The following ENPP2 variants were observed in gnomAD, a reference collection of about 807,000 sequenced individuals.
ENPP2 encodes the protein autotaxin.
Under a neutral mutation model 120.2 loss-of-function variants are expected in ENPP2, and 51 were observed. That is an observed-to-expected ratio of 0.42 (90% CI 0.34 to 0.54). The LOEUF (loss-of-function observed/expected upper bound fraction) is 0.54, where lower values mean the gene tolerates loss of function less well. Among genes scored for constraint, ENPP2 ranks in the 20% least tolerant of loss-of-function variants. The pLI is 0.04. For synonymous variants in ENPP2, 365 were observed against 366.4 expected (o/e 1.00, Z 0.04); for missense variants, 920 against 1,066.5 (o/e 0.86, Z 1.91).
At chr8:119,659,716 T>C (rs1304001819) in intron 1 of ENPP2, among the ~76,000 whole-genome samples, 1 of 152,228 alleles carries the variant, frequency 6.6e-6, no homozygotes, top group Non-Finnish European at 1.5e-5. Context: ...GAAAATATGC[T>C]TCAAAGGGTG....
chr8:119,669,691 G>T (rs1038016946), intron 1 of ENPP2, among the ~76,000 whole-genome samples: 1 of 152,182 alleles, frequency 6.6e-6, no homozygotes, highest in Non-Finnish European at 1.5e-5. Context: ...GACTTGTCAT[G>T]AACCCACTGA....
intron 1 of ENPP2, among the ~76,000 whole-genome samples, chr8:119,649,868 T>C (rs1424715812): frequency 1.3e-5 from 2 of 152,164 alleles, no homozygotes; most frequent in Non-Finnish European, 2.9e-5. Flanking sequence ...TTACCCCCAC[T>C]AGGATGCTAA....
intron 1 of ENPP2, chr8:119,673,158 G>C (rs1818303037): frequency 1.8e-6 from 2 of 1,085,774 alleles, no homozygotes; most frequent in Non-Finnish European, 1.4e-6. Flanking sequence ...CAAACCTGGA[G>C]GCCCTTTGCA....
At chr8:119,618,193 G>A (rs1456446611) in intron 5 of ENPP2, 1 of 407,328 alleles carries the variant, frequency 2.5e-6, no homozygotes, top group African/African-American at 2.1e-5. Context: ...GAGCTATCAA[G>A]GCTGCCCTTT....
At chr8:119,568,995 A>C (rs556986109) in intron 21 of ENPP2, among the ~76,000 whole-genome samples, 1 of 151,722 alleles carries the variant, frequency 6.6e-6, no homozygotes, top group Non-Finnish European at 1.5e-5. Flanking sequence ...ATTCTCATTT[A>C]ATAATGTAAG....
chr8:119,608,324 G>A (rs1814864149), intron 8 of ENPP2, among the ~76,000 whole-genome samples: 2 of 152,110 alleles, frequency 1.3e-5, no homozygotes, highest in Non-Finnish European at 1.5e-5. Flanking sequence ...GCTCATCAAA[G>A]GACCCAAGAG....
intron 1 of ENPP2, among the ~76,000 whole-genome samples, chr8:119,657,072 C>A (rs984337080): frequency 6.6e-6 from 1 of 152,082 alleles, no homozygotes; most frequent in Non-Finnish European, 1.5e-5. Context: ...GGATTACAGG[C>A]ACCCACCATG....
chr8:119,640,567 T>C (rs1007364972), upstream of ENPP2, among the ~76,000 whole-genome samples: 8 of 152,290 alleles, frequency 5.3e-5, no homozygotes, highest in African/African-American at 1.9e-4. Flanking sequence ...TAGAAGACAA[T>C]GAGGGTTCCC....
intron 14 of ENPP2, among the ~76,000 whole-genome samples, chr8:119,586,721 G>A (rs1284647915): frequency 2.0e-5 from 3 of 152,066 alleles, no homozygotes; most frequent in Non-Finnish European, 4.4e-5. Flanking sequence ...CCCAGCATCC[G>A]GGAACAATGG....
intron 22 of ENPP2, among the ~76,000 whole-genome samples, chr8:119,566,637 C>T (rs1455682997): frequency 6.6e-6 from 1 of 152,138 alleles, no homozygotes; most frequent in Non-Finnish European, 1.5e-5. Context: ...AAAACCACCC[C>T]CCTCGTGGAG....
intron 18 of ENPP2, among the ~76,000 whole-genome samples, chr8:119,581,777 T>G (rs919033356): frequency 5.3e-5 from 8 of 151,442 alleles, no homozygotes; most frequent in Non-Finnish European, 1.2e-4. Context: ...TTTTTTTTTT[T>G]GAGTCAGAGT....
At chr8:119,620,245 G>T (rs762652202) in intron 4 of ENPP2, among the ~76,000 whole-genome samples, 25 of 152,006 alleles carry the variant, frequency 1.6e-4, no homozygotes, top group Non-Finnish European at 2.8e-4. Context: ...TGATTCCAAG[G>T]GCTTCTTTTT....
chr8:119,672,898 G>A (rs1818292854), intron 1 of ENPP2, among the ~76,000 whole-genome samples: 5 of 152,194 alleles, frequency 3.3e-5, no homozygotes, highest in Non-Finnish European at 5.9e-5. Flanking sequence ...TCGCCGCCCA[G>A]GAGGGCAGAG....
At chr8:119,642,823 A>G (rs1817321983), upstream of ENPP2, among the ~76,000 whole-genome samples, 1 of 152,190 alleles carries the variant, frequency 6.6e-6, no homozygotes, top group Non-Finnish European at 1.5e-5. Context: ...AAATTATTCT[A>G]TGCGTCCTTG....
At chr8:119,653,807 T>C (rs1201778185) in intron 1 of ENPP2, among the ~76,000 whole-genome samples, 1 of 152,014 alleles carries the variant, frequency 6.6e-6, no homozygotes, top group Non-Finnish European at 1.5e-5. Context: ...ATGAGCACGC[T>C]TGTGACTGTG....
intron 1 of ENPP2, among the ~76,000 whole-genome samples, chr8:119,653,945 A>G (rs1817695106): frequency 6.8e-6 from 1 of 148,108 alleles, no homozygotes; most frequent in African/African-American, 2.5e-5. Flanking sequence ...TTATCTCTAT[A>G]TATAATATGT....
chr8:119,607,966 T>A lies in ENPP2; in HGVS notation c.789A>T (p.Thr263=). The part of the protein sequence containing the change: ...RWWGGQPLWI[T]ATKQGVKAGT... The stretch of plus-strand genomic sequence containing the variant: ...CAGCTTTCACCCCTTGCTTGGTGGC[T>A]GTAATCCATAGCTAATGAGGAAAAT... The change falls in exon 9 of 25, where the codon ACA becomes ACT. Residue 263 remains threonine (T), a synonymous_variant. Coordinates refer to ENST00000075322, the MANE Select transcript of ENPP2 (RefSeq NM_001040092.3). The A allele has an allele frequency of 6.2e-7, 1 of 1,609,692 alleles. No individual in the cohort carries two copies.
intron 20 of ENPP2, 22 bp downstream of exon 20, chr8:119,570,683 A>G: frequency 1.4e-6 from 2 of 1,403,056 alleles, no homozygotes; most frequent in East Asian, 2.6e-5. Context: ...TAAAAAATAT[A>G]AAATCCAATT....
At chr8:119,617,095 T>C in intron 7 of ENPP2, 69 bp downstream of exon 7, 1 of 978,808 alleles carries the variant, frequency 1.0e-6, no homozygotes, top group Non-Finnish European at 1.6e-6. Context: ...AAAAGTAAAG[T>C]CTCTCCTTTA....
Sources: allele counts gnomAD v4.1 joint callset (sites outside exome capture counted in the v4.1 genomes callset), GRCh38; gene constraint gnomAD v4.1.1; transcripts MANE v1.5; gene names NCBI Gene and HGNC (gene_info 2026-07-23, HGNC 2026-07-21).